MYRIP: variants seen among roughly 807,000 people sequenced by gnomAD.
The protein encoded by MYRIP is myosin VIIA and Rab interacting protein.
MYRIP carries 49 observed loss-of-function variants against 98.0 expected under a neutral mutation model. The ratio of observed to expected loss-of-function variants is 0.50; its 90% CI spans 0.40 to 0.63. The LOEUF (loss-of-function observed/expected upper bound fraction) is 0.63. Among genes scored for constraint, MYRIP ranks in the 30% least tolerant of loss-of-function variants. The probability of loss-of-function intolerance (pLI) is 0.00; values close to 1 mark genes in which losing one functional copy is unlikely to be tolerated. For missense variants in MYRIP, 1,004 were observed against 1,058.2 expected (o/e 0.95, Z 0.71); for synonymous variants, 404 against 409.5 (o/e 0.99, Z 0.16).
chr3:39,891,227 T>A (rs1400059768), intron 1 of MYRIP, among the ~76,000 whole-genome samples: 5 of 152,182 alleles, frequency 3.3e-5, no homozygotes, highest in African/African-American at 1.2e-4. Flanking sequence ...TATTTATTTT[T>A]AAATGTCAGA....
rs776243167 is a variant in MYRIP, at chr3:40,190,284, G to A, written c.1486G>A (p.Val496Met). The A allele has an allele frequency of 1.3e-5, 21 of 1,613,926 alleles. No individual in the cohort carries two copies. In the Admixed American group the frequency reaches 2.8e-4, roughly 22 times the overall value. ...GATGCGCTTGCATGGAGAGCTGGAC[G>A]TGAACTTCAACCCCCAGTTGGCCAG... Reference protein sequence around the residue: ...EKMRLHGELDVNFNPQLASRE... With the variant: ...EKMRLHGELDMNFNPQLASRE... Residue 496 changes from valine (V) to methionine (M), a missense_variant, in exon 10 of 17, where the codon GTG becomes ATG. Around this residue, in one of 3 missense-constraint regions of MYRIP, gnomAD observed 880 missense variants for 907.7 expected, o/e 0.97. Transcript: ENST00000302541.
intron 2 of MYRIP, among the ~76,000 whole-genome samples, chr3:40,009,329 C>T (rs866383497): frequency 1.3e-5 from 2 of 150,368 alleles, no homozygotes; most frequent in African/African-American, 2.5e-5. Flanking sequence ...CTCCGCCTCC[C>T]GGGTTCAAGC....
intron 11 of MYRIP, among the ~76,000 whole-genome samples, chr3:40,210,767 A>T (rs1438640140): frequency 1.3e-5 from 2 of 152,072 alleles, no homozygotes; most frequent in Non-Finnish European, 2.9e-5. Context: ...GTTCCAAAGG[A>T]CACAGTTGGA....
intron 3 of MYRIP, among the ~76,000 whole-genome samples, chr3:40,072,987 G>C (rs1294739903): frequency 6.6e-6 from 1 of 152,016 alleles, no homozygotes; most frequent in Non-Finnish European, 1.5e-5. Flanking sequence ...TTTTGAAAAA[G>C]GTATATTAAA....
intron 10 of MYRIP, among the ~76,000 whole-genome samples, chr3:40,193,363 T>A (rs1241048329): frequency 2.6e-5 from 4 of 152,318 alleles, no homozygotes; most frequent in African/African-American, 9.6e-5. Flanking sequence ...GATAACATAC[T>A]CTTCCTGCCT....
At chr3:40,213,349 A>G (rs1047950727) in intron 11 of MYRIP, among the ~76,000 whole-genome samples, 1 of 152,184 alleles carries the variant, frequency 6.6e-6, no homozygotes, top group African/African-American at 2.4e-5. Context: ...AGCCCAGCAA[A>G]TCTTAATTAT....
intron 1 of MYRIP, among the ~76,000 whole-genome samples, chr3:39,828,659 C>T (rs6785563): frequency 0.64 from 97,372 of 151,882 alleles, 31,586 homozygotes; most frequent in African/African-American, 0.73. Flanking sequence ...GTCCCCAAAG[C>T]CTATTGTATC....
chr3:40,117,867 GC>G (rs1317498031), intron 3 of MYRIP, among the ~76,000 whole-genome samples: 1 of 152,068 alleles, frequency 6.6e-6, no homozygotes, highest in East Asian at 1.9e-4. Context: ...CCTTACTATG[GC>G]CCCAAACCAG....
chr3:39,816,292 C>T (rs1272744028), intron 1 of MYRIP, among the ~76,000 whole-genome samples: 1 of 152,144 alleles, frequency 6.6e-6, no homozygotes, highest in East Asian at 1.9e-4. Flanking sequence ...CCATTTTAGC[C>T]AGGATGGTCT....
At chr3:40,167,862 CAG>C (rs1463845967) in intron 7 of MYRIP, among the ~76,000 whole-genome samples, 2 of 152,328 alleles carry the variant, frequency 1.3e-5, no homozygotes, top group African/African-American at 4.8e-5. Flanking sequence ...AAGAGACACA[CAG>C]AGCAGCAGGG....
intron 4 of MYRIP, among the ~76,000 whole-genome samples, chr3:40,151,471 G>T (rs1297586895): frequency 4.6e-5 from 7 of 152,300 alleles, no homozygotes; most frequent in African/African-American, 1.4e-4. Context: ...CAAAAATTAG[G>T]TATTCTTGAT....
At chr3:39,868,058 T>G (rs1480724972) in intron 1 of MYRIP, among the ~76,000 whole-genome samples, 1 of 152,154 alleles carries the variant, frequency 6.6e-6, no homozygotes, top group Non-Finnish European at 1.5e-5. Context: ...TAATGTGTAG[T>G]TCAGGGGAAC....
intron 2 of MYRIP, among the ~76,000 whole-genome samples, chr3:39,943,351 C>T (rs1311505105): frequency 6.6e-6 from 1 of 152,104 alleles, no homozygotes; most frequent in African/African-American, 2.4e-5. Context: ...TGGAAAACAA[C>T]TTGCTGTTGT....
At chr3:39,891,123 A>G (rs186959755) in intron 1 of MYRIP, among the ~76,000 whole-genome samples, 3 of 152,150 alleles carry the variant, frequency 2.0e-5, no homozygotes, top group African/African-American at 7.2e-5. Context: ...TTTTTAAACA[A>G]TTTTCAATAT....
intron 3 of MYRIP, among the ~76,000 whole-genome samples, chr3:40,145,375 G>A (rs1949986390): frequency 6.6e-6 from 1 of 152,038 alleles, no homozygotes; most frequent in Non-Finnish European, 1.5e-5. Context: ...TTATACATTC[G>A]GTATATTGTG....
chr3:39,819,126 A>G (rs949489266), intron 1 of MYRIP, among the ~76,000 whole-genome samples: 2 of 152,116 alleles, frequency 1.3e-5, no homozygotes, highest in Admixed American at 1.3e-4. Flanking sequence ...AGGTGTGTGG[A>G]TCACCTGAGG....
intron 1 of MYRIP, among the ~76,000 whole-genome samples, chr3:39,857,147 A>T (rs2125613320): frequency 6.6e-6 from 1 of 152,044 alleles, no homozygotes; most frequent in South Asian, 2.1e-4. Flanking sequence ...TGCGAGGTCA[A>T]GGAGGCAGTG....
At chr3:40,161,284 G>T (rs1356224168) in intron 4 of MYRIP, among the ~76,000 whole-genome samples, 2 of 152,128 alleles carry the variant, frequency 1.3e-5, no homozygotes, top group Admixed American at 1.3e-4. Context: ...AATTTAAAAG[G>T]AAACAGAAAG....
intron 1 of MYRIP, among the ~76,000 whole-genome samples, chr3:39,862,954 C>CA (rs1274035914): frequency 3.3e-5 from 5 of 152,092 alleles, no homozygotes; most frequent in Admixed American, 6.6e-5. Context: ...TATTCTTGGA[C>CA]CACAGTGCAA....
Sources: gnomAD v4.1 joint callset for allele counts (sites outside exome capture counted in the v4.1 genomes callset) on GRCh38, gnomAD v4.1.1 for gene constraint, gnomAD v4.1.1 regional missense constraint, MANE v1.5 for transcripts, NCBI Gene and HGNC (gene_info 2026-07-23, HGNC 2026-07-21) for gene names.